HSBP1L1: variants seen among roughly 807,000 people sequenced by gnomAD.
The protein encoded by HSBP1L1 is heat shock factor binding protein 1 like 1.
HSBP1L1 carries 8 observed loss-of-function variants against 9.7 expected under a neutral mutation model. That is an observed-to-expected ratio of 0.82 (90% CI 0.48 to 1.48). HSBP1L1 has a LOEUF of 1.48. Ranked by LOEUF, HSBP1L1 falls within the 40% of genes most tolerant of loss-of-function variation. HSBP1L1 has a pLI of 0.00. For missense variants in HSBP1L1, 106 were observed against 95.8 expected, an observed-to-expected ratio of 1.11 and a Z score of -0.44; for synonymous variants, 39 against 34.4, an observed-to-expected ratio of 1.13 and a Z score of -0.46.
Position 79,964,743 on chromosome 18 carries a change from T to C in HSBP1L1, c.8T>C (p.Val3Ala). The change falls in exon 1 of 4, where the codon GTG becomes GCG. Residue 3 changes from valine (V) to alanine (A), a missense_variant. By Grantham distance (64) the Val-to-Ala change is moderately conservative. Transcript: ENST00000451882. Reference sequence around the variant, plus strand: ...CCCCGGCCAGCGGTCCACATGGACGTGCGGGGCCCTGAAGCCCCCGGCGGG... The same window carrying C: ...CCCCGGCCAGCGGTCCACATGGACGCGCGGGGCCCTGAAGCCCCCGGCGGG... MD[V>A]RGPEAPGGRA... 1 of 1,417,554 alleles carries C rather than the reference T, an allele frequency of 7.1e-7. No homozygotes were observed. The highest frequency in any genetic ancestry group is 9.2e-7 in the Non-Finnish European group (1 of 1,087,222). 87.8% of individuals were successfully genotyped at this position (1,417,554 alleles called of 1,614,324 possible).
intron 3 of HSBP1L1, among the ~76,000 whole-genome samples, chr18:79,969,394 A>AGAAAAAGAAAGAAAG (rs35959688): frequency 6.2e-5 from 5 of 80,298 alleles, no homozygotes; most frequent in African/African-American, 2.3e-4. Context: ...AAAGAAAGAA[A>AGAAAAAGAAAGAAAG]AAAAAACGAT....
chr18:79,964,826 G>A lies in HSBP1L1; in HGVS notation c.51+40G>A. 4.9e-6 allele frequency: 4 copies of A among 813,502 alleles called. No individual in the cohort carries two copies. In the South Asian group the frequency reaches 7.2e-5, roughly 15 times the overall value. 50.4% of individuals were successfully genotyped at this position (813,502 alleles called of 1,614,324 possible). ...GACTCCTGCTTCTCTCTGGATGGGG[G>A]CGCCCCTGCGGTTCTGGGGGGTTTT... On this transcript the variant is annotated intron_variant, in intron 1 of 3. Transcript: ENST00000451882.
intron 3 of HSBP1L1, among the ~76,000 whole-genome samples, chr18:79,968,843 T>C (rs2051270408): frequency 6.6e-6 from 1 of 151,830 alleles, no homozygotes; most frequent in Non-Finnish European, 1.5e-5. Context: ...CACAAAAGAA[T>C]GCTAGGATCA....
At chr18:79,968,329 G>T in intron 3 of HSBP1L1, 146 bp downstream of exon 3, 1 of 601,938 alleles carries the variant, frequency 1.7e-6, no homozygotes. Flanking sequence ...ATTTCCAAAT[G>T]CTCTCTTCTT....
At chr18:79,965,972 C>T (rs943772328) in intron 1 of HSBP1L1, among the ~76,000 whole-genome samples, 20 of 152,250 alleles carry the variant, frequency 1.3e-4, no homozygotes, top group African/African-American at 3.4e-4. Context: ...CACTCTGTCG[C>T]CCAGGCTGGA....
chr18:79,967,147 C>CAAAAAAAA (rs5826682), intron 2 of HSBP1L1, among the ~76,000 whole-genome samples: 1 of 105,176 alleles, frequency 9.5e-6, no homozygotes, highest in African/African-American at 3.7e-5. Context: ...GACTCCGTCT[C>CAAAAAAAA]AAAAAAAAAA....
At chr18:79,970,180 T>C (rs1222856074) in intron 3 of HSBP1L1, 3 of 418,246 alleles carry the variant, frequency 7.2e-6, no homozygotes, top group Admixed American at 3.4e-5. Context: ...ATCTAAGCTT[T>C]AGTTTTCTTC....
intron 3 of HSBP1L1, among the ~76,000 whole-genome samples, chr18:79,969,383 GAAAGAA>G (rs1555716370): frequency 1.7e-5 from 1 of 59,032 alleles, no homozygotes; most frequent in African/African-American, 4.7e-5. Context: ...AAGAAAGAAA[GAAAGAA>G]AGAAAAAAAA....
chr18:79,970,575 C>T lies in HSBP1L1; in HGVS notation c.*124C>T. On this transcript the variant is annotated 3_prime_UTR_variant, in exon 4 of 4. Coordinates refer to ENST00000451882, the MANE Select transcript of HSBP1L1 (RefSeq NM_001136180.2). The stretch of plus-strand genomic sequence containing the variant: ...CTGAGAAGAGACGCAAGGGGCTCGC[C>T]TGCTCTCCCCTCCGTGCCTGCACCA... 1.7e-6 allele frequency: 1 copy of T among 596,400 alleles called. No homozygotes were observed. The highest frequency in any genetic ancestry group is 3.1e-6 in the Non-Finnish European group (1 of 321,540). The allele number at this position is 596,400 out of a possible 1,614,324, so 36.9% of individuals were successfully genotyped here.
At chr18:79,968,026 C>G (rs574040446) in intron 2 of HSBP1L1, 63 bp from the exon 3 acceptor site, 1 of 979,380 alleles carries the variant, frequency 1.0e-6, no homozygotes, top group South Asian at 1.5e-5. Context: ...TCTCTGAGGA[C>G]ATCCTGGCTG....
intron 3 of HSBP1L1, chr18:79,970,165 GGGAAATCTAAGCTTT>G (rs1273163943): frequency 3.9e-5 from 15 of 380,482 alleles, no homozygotes; most frequent in African/African-American, 3.0e-4. Context: ...CTGTAACCTG[GGGAAATCTAAGCTTT>G]AGTTTTCTTC....
chr18:79,964,787 G>C lies in HSBP1L1; in HGVS notation c.51+1G>C. 1 of 1,365,692 alleles carries C rather than the reference G, an allele frequency of 7.3e-7. No homozygotes were observed. The highest frequency in any genetic ancestry group is 9.5e-7 in the Non-Finnish European group (1 of 1,055,124). 84.6% of individuals were successfully genotyped at this position (1,365,692 alleles called of 1,614,324 possible). Reference sequence around the variant, plus strand: ...CGGCGGGCGCGCGCTGCGGGACGCGGTGAGCCCCTCCCCGACTCCTGCTTC... The same window carrying C: ...CGGCGGGCGCGCGCTGCGGGACGCGCTGAGCCCCTCCCCGACTCCTGCTTC... On this transcript the variant is annotated splice_donor_variant, in intron 1 of 3. Coordinates refer to ENST00000451882, the MANE Select transcript of HSBP1L1 (RefSeq NM_001136180.2). LOFTEE classifies it high-confidence loss of function.
chr18:79,969,295 GGAGA>G (rs60479846), intron 3 of HSBP1L1, among the ~76,000 whole-genome samples: 7 of 38,236 alleles, frequency 1.8e-4, no homozygotes, highest in Admixed American at 1.1e-3. Flanking sequence ...AGGGAGGGAG[GGAGA>G]GAGAGAGAGA....
At chr18:79,966,560 C>A (rs1330656320) in intron 1 of HSBP1L1, 52 bp from the exon 2 acceptor site, 2 of 1,300,566 alleles carry the variant, frequency 1.5e-6, no homozygotes, top group South Asian at 1.4e-5. Context: ...AAAAAAAACT[C>A]ATATGCCAAC....
rs1459288494 is a variant in HSBP1L1, at chr18:79,964,859, T to G, written c.51+73T>G. ...GCGGTTCTGGGGGGTTTTGAGGTCC[T>G]GGGGGGGGAGCCTGCGGTGCTGGGG... On this transcript the variant is annotated intron_variant, in intron 1 of 3. Coordinates refer to ENST00000451882, the MANE Select transcript of HSBP1L1 (RefSeq NM_001136180.2). The G allele has an allele frequency of 2.9e-3, 170 of 58,852 alleles. 2 individuals carry two copies. Among genetic ancestry groups the G allele is most frequent in the African/African-American group, 0.012 (136 of 11,234 alleles). 3.6% of individuals were successfully genotyped at this position (58,852 alleles called of 1,614,324 possible).
intron 3 of HSBP1L1, among the ~76,000 whole-genome samples, chr18:79,969,302 G>GAA (rs2051276463): frequency 1.3e-5 from 1 of 74,466 alleles, no homozygotes; most frequent in Non-Finnish European, 2.9e-5. Context: ...GAGGGAGAGA[G>GAA]AGAGAGAAAG....
chr18:79,966,803 T>C, intron 2 of HSBP1L1, 125 bp downstream of exon 2: 1 of 709,890 alleles, frequency 1.4e-6, no homozygotes, highest in South Asian at 1.8e-5. Flanking sequence ...TATTTACTTC[T>C]GTGCTTTTAT....
intron 1 of HSBP1L1, among the ~76,000 whole-genome samples, chr18:79,965,052 G>A (rs568236521): frequency 7.7e-6 from 1 of 130,344 alleles, no homozygotes; most frequent in African/African-American, 2.9e-5. Flanking sequence ...GCAGGGGGGA[G>A]CCCTGCTGTC....
rs1230267597 is a variant in HSBP1L1 at position 79,969,281 on chromosome 18, AGGGAGGGAGGGAGG to A, written c.213+1100_213+1113del. ...GAGAGAGGGAGGGAGGGAGGGAGGG[AGGGAGGGAGGGAGG>A]GAGAGAGAGAGAGAAAGGAAAGAAA... is the stretch of plus-strand genomic sequence containing the variant. On this transcript the variant is annotated intron_variant, in intron 3 of 3. Coordinates refer to ENST00000451882, the MANE Select transcript of HSBP1L1 (RefSeq NM_001136180.2). 5.1e-3 allele frequency among the ~76,000 whole-genome samples: 109 copies of A among 21,396 alleles called. 8 individuals carry two copies. The highest frequency in any genetic ancestry group is 0.012 in the African/African-American group (96 of 7,782). The allele number at this position is 21,396 out of a possible 152,430, so 14.0% of individuals were successfully genotyped here. A position where few individuals can be genotyped will look rare whatever the true frequency, so the allele number is the denominator to read the frequency against.
Sources: allele counts gnomAD v4.1 joint callset (sites outside exome capture counted in the v4.1 genomes callset), GRCh38; gene constraint gnomAD v4.1.1; transcripts MANE v1.5; gene names NCBI Gene and HGNC (gene_info 2026-07-23, HGNC 2026-07-21).